Variants in ZC2HC1C observed in about 807,000 individuals in gnomAD.
ZC2HC1C encodes zinc finger C2HC domain-containing protein 1C.
In ZC2HC1C, 25 loss-of-function variants were observed where a neutral mutation model predicts 39.2. That is an observed-to-expected ratio of 0.64 (90% CI 0.47 to 0.89). The LOEUF (loss-of-function observed/expected upper bound fraction) is 0.89. ZC2HC1C is among the 40% of genes least tolerant of loss of function. The pLI is 0.00. For missense variants in ZC2HC1C, 519 were observed against 548.6 expected (o/e 0.95, Z 0.54); for synonymous variants, 209 against 214.4 (o/e 0.97, Z 0.22).
At chr14:75,073,125 T>C (rs539644705) in intron 2 of ZC2HC1C, among the ~76,000 whole-genome samples, 1 of 152,360 alleles carries the variant, frequency 6.6e-6, no homozygotes, top group Admixed American at 6.5e-5. Flanking sequence ...TGATGGTTGT[T>C]AGAAGAAATT....
In ZC2HC1C at chr14:75,071,489, T is replaced by G. The variant is rs1258611157; in HGVS notation, c.916T>G (p.Trp306Gly). The change falls in exon 2 of 3, where the codon TGG becomes GGG. Residue 306 changes from tryptophan (W) to glycine (G), a missense_variant. Coordinates refer to ENST00000524913, the MANE Select transcript of ZC2HC1C (RefSeq NM_024643.4). Reference protein sequence around the residue: ...FSRDRREDETWGRSQQNSGPF... With the variant: ...FSRDRREDETGGRSQQNSGPF... ...TAGAGACAGGAGAGAGGATGAAACT[T>G]GGGGACGGTCTCAACAAAATTCAGG... The G allele has an allele frequency of 6.2e-7, 1 of 1,613,994 alleles. No individual in the cohort carries two copies. Among genetic ancestry groups the G allele is most frequent in the Non-Finnish European group, 8.5e-7 (1 of 1,180,034 alleles).
chr14:75,070,900 C>T lies in ZC2HC1C; in HGVS notation c.327C>T (p.Tyr109=). The change falls in exon 2 of 3, where the codon TAC becomes TAT. Residue 109 remains tyrosine (Y), a synonymous_variant. Transcript: ENST00000524913. ...DSQGQGNGLF[Y]SSGPQSWYPK... ...AGGGCCAAGGAAATGGTTTGTTTTA[C>T]TCGTCAGGCCCTCAATCCTGGTATC... 6.2e-7 allele frequency: 1 copy of T among 1,614,214 alleles called. No individual in the cohort carries two copies. Among genetic ancestry groups the T allele is most frequent in the Non-Finnish European group, 8.5e-7 (1 of 1,180,038 alleles).
Position 75,071,706 on chromosome 14 carries a change from G to T in ZC2HC1C, c.1133G>T (p.Gly378Val), listed in dbSNP as rs1253556320. ...SSLSMAPDSSGSSGSIEEPQL... is the reference protein window; with the variant it reads ...SSLSMAPDSSVSSGSIEEPQL... ...CTGTCCATGGCACCAGACTCCTCAG[G>T]TTCCAGCGGCTCCATTGAAGAGCCA... Residue 378 changes from glycine to valine, a missense_variant, in exon 2 of 3, where the codon GGT becomes GTT. Gly to Val is a moderately radical substitution (Grantham distance 109). Coordinates refer to ENST00000524913, the MANE Select transcript of ZC2HC1C (RefSeq NM_024643.4). 4 of 1,614,186 alleles carry T rather than the reference G, an allele frequency of 2.5e-6. No homozygotes were observed. Among genetic ancestry groups the T allele is most frequent in the Non-Finnish European group, 3.4e-6 (4 of 1,180,026 alleles).
chr14:75,073,484 T>C, intron 2 of ZC2HC1C: 8 of 844,430 alleles, frequency 9.5e-6, no homozygotes, highest in Non-Finnish European at 1.4e-5. Flanking sequence ...TGTGGGAATG[T>C]GTGACATTGA....
Position 75,077,654 on chromosome 14 carries a change from C to T in ZC2HC1C, c.*90C>T. On this transcript the variant is annotated 3_prime_UTR_variant, in exon 3 of 3. Transcript: ENST00000524913. ...GTGGAAACTGTTCACACTTGCCTCC[C>T]ATCCTGCCTGCAGAAAACCCAGACT... 6.5e-7 allele frequency: 1 copy of T among 1,527,506 alleles called. No individual in the cohort carries two copies. Among genetic ancestry groups the T allele is most frequent in the Non-Finnish European group, 9.0e-7 (1 of 1,109,680 alleles). The allele number at this position is 1,527,506 out of a possible 1,614,324, so 94.6% of individuals were successfully genotyped here. A position where few individuals can be genotyped will look rare whatever the true frequency, so the allele number is the denominator to read the frequency against.
At position 75,073,951 on chromosome 14, in the gene ZC2HC1C, A is replaced by G. The variant is rs557852280; in HGVS notation, c.1338+2040A>G. On this transcript the variant is annotated intron_variant, in intron 2 of 2. Transcript: ENST00000524913. ...CTGTTGCCCAGGCTGGAGTGCAGTG[A>G]CGCGATCTCGGCTCACTGCAGCGAT... 4.5e-4 allele frequency among the ~76,000 whole-genome samples: 69 copies of G among 151,892 alleles called. 1 individual carries two copies. Among genetic ancestry groups the G allele is most frequent in the Admixed American group, 3.0e-3 (46 of 15,264 alleles).
chr14:75,071,989 G>C, intron 2 of ZC2HC1C, 78 bp downstream of exon 2: 1 of 1,499,310 alleles, frequency 6.7e-7, no homozygotes, highest in South Asian at 1.4e-5. Flanking sequence ...GTTTTCTTTA[G>C]GGAAAATTCA....
chr14:75,074,852 G>A (rs536481814), intron 2 of ZC2HC1C, among the ~76,000 whole-genome samples: 2 of 152,304 alleles, frequency 1.3e-5, no homozygotes, highest in Admixed American at 6.5e-5. Context: ...GATTACAGGC[G>A]TGAGCCACGG....
In ZC2HC1C at chr14:75,077,619, A is replaced by G. The variant is rs1893743261; in HGVS notation, c.*55A>G. On this transcript the variant is annotated 3_prime_UTR_variant, in exon 3 of 3. Transcript: ENST00000524913. ...CCAGGCTCGAGAGGTCCAGCAGGTA[A>G]CTGCCAAAGGTGGAAACTGTTCACA... 5 of 1,609,786 alleles carry G rather than the reference A, an allele frequency of 3.1e-6. No homozygotes were observed. The highest frequency in any genetic ancestry group is 4.2e-6 in the Non-Finnish European group (5 of 1,176,732).
At chr14:75,077,268 C>G (rs1893717025) in intron 2 of ZC2HC1C, among the ~76,000 whole-genome samples, 1 of 152,046 alleles carries the variant, frequency 6.6e-6, no homozygotes, top group Admixed American at 6.6e-5. Flanking sequence ...AGTCCTGTAC[C>G]TCCTTACTTT....
In ZC2HC1C at chr14:75,074,570, T is replaced by G. The variant is rs182604179; in HGVS notation, c.1338+2659T>G. Among the ~76,000 whole-genome samples, 119 of 151,776 alleles carry G rather than the reference T, an allele frequency of 7.8e-4. 1 individual carries two copies. Among genetic ancestry groups the G allele is most frequent in the Admixed American group, 2.9e-3 (44 of 15,194 alleles). ...ATCAATTTTCTACATTACCTGTTTT[T>G]TTTTGTTTTGTTTTGTTTTTTTTGA... On this transcript the variant is annotated intron_variant, in intron 2 of 2. Transcript: ENST00000524913.
chr14:75,070,675 T>A lies in ZC2HC1C; in HGVS notation c.102T>A (p.Ser34=). 1 of 1,614,172 alleles carries A rather than the reference T, an allele frequency of 6.2e-7. No individual in the cohort carries two copies. The highest frequency in any genetic ancestry group is 8.5e-7 in the Non-Finnish European group (1 of 1,180,018). ...APGPHSAKQD[S]YEQGDSSQQS... is the part of the protein sequence containing the mutation. ...GGCCCCACTCAGCCAAGCAAGACTC[T>A]TACGAACAAGGTGACTCTTCCCAGC... The change falls in exon 2 of 3, where the codon TCT becomes TCA. Residue 34 remains serine (S), a synonymous_variant. Transcript: ENST00000524913.
intron 2 of ZC2HC1C, among the ~76,000 whole-genome samples, chr14:75,073,914 C>A (rs1473931852): frequency 1.3e-5 from 2 of 152,140 alleles, no homozygotes; most frequent in Non-Finnish European, 2.9e-5. Flanking sequence ...TTTTTTGAGA[C>A]CGAGTCTCGC....
At chr14:75,073,537 C>T (rs1033744808) in intron 2 of ZC2HC1C, 49 of 1,284,312 alleles carry the variant, frequency 3.8e-5, no homozygotes, top group Non-Finnish European at 5.0e-5. Flanking sequence ...TGCACCTGCA[C>T]CACCCTGGTA....
At chr14:75,070,015 G>A (rs1440379409) in intron 1 of ZC2HC1C, 1 of 155,642 alleles carries the variant, frequency 6.4e-6, no homozygotes, top group Non-Finnish European at 1.4e-5. Flanking sequence ...CCAGGCACCT[G>A]CTCCAGGCCC....
rs1232520174 is a variant in ZC2HC1C, at chr14:75,071,281, A to G, written c.708A>G (p.Gly236=). The G allele has an allele frequency of 6.2e-7, 1 of 1,614,180 alleles. No homozygotes were observed. The highest frequency in any genetic ancestry group is 2.2e-5 in the East Asian group (1 of 44,876). Residue 236 remains glycine (G), a synonymous_variant, in exon 2 of 3, where the codon GGA becomes GGG. Coordinates refer to ENST00000524913, the MANE Select transcript of ZC2HC1C (RefSeq NM_024643.4). ...GAAGAAAGCAGATTCTCCTGAGGGG[A>G]AAGCTGAAGAAGACAGAGGAGGAAC... ...EIRRKQILLR[G]KLKKTEEELR...
At chr14:75,073,713 AT>A in intron 2 of ZC2HC1C, 1 of 952,868 alleles carries the variant, frequency 1.0e-6, no homozygotes, top group Non-Finnish European at 1.5e-6. Context: ...GACTGTAAGC[AT>A]TTTTGAGGAC....
At chr14:75,074,558 A>G (rs1036322836) in intron 2 of ZC2HC1C, among the ~76,000 whole-genome samples, 1 of 150,448 alleles carries the variant, frequency 6.6e-6, no homozygotes, top group Non-Finnish European at 1.5e-5. Context: ...AATTTTCTAC[A>G]TTACCTGTTT....
chr14:75,074,297 TTTC>T (rs1351848562), intron 2 of ZC2HC1C, among the ~76,000 whole-genome samples: 1 of 152,232 alleles, frequency 6.6e-6, no homozygotes, highest in African/African-American at 2.4e-5. Flanking sequence ...GGAAGGATCC[TTTC>T]TTTTCCTTTG....
Sources: allele counts gnomAD v4.1 joint callset (sites outside exome capture counted in the v4.1 genomes callset), GRCh38; gene constraint gnomAD v4.1.1; transcripts MANE v1.5; gene names NCBI Gene and HGNC (gene_info 2026-07-23, HGNC 2026-07-21).